GABBR2: variants seen among roughly 807,000 people sequenced by gnomAD.
GABBR2 encodes the protein gamma-aminobutyric acid type B receptor subunit 2.
GABBR2 carries 23 observed loss-of-function variants against 105.6 expected under a neutral mutation model. That is an observed-to-expected ratio of 0.22 (90% CI 0.16 to 0.31). GABBR2 has a LOEUF of 0.31. Ranked by LOEUF, GABBR2 falls within the 10% of genes least tolerant of loss-of-function variation. The pLI is 1.00. For missense variants in GABBR2, 734 were observed against 1,245.5 expected (o/e 0.59, Z 6.18); for synonymous variants, 478 against 499.7 (o/e 0.96, Z 0.58).
chr9:98,613,678 A>G (rs563078004), intron 1 of GABBR2, among the ~76,000 whole-genome samples: 1 of 152,380 alleles, frequency 6.6e-6, no homozygotes, highest in African/African-American at 2.4e-5. Flanking sequence ...AAGTAACTGC[A>G]TGCCTGGAAT....
intron 3 of GABBR2, among the ~76,000 whole-genome samples, chr9:98,521,821 C>G (rs1057355157): frequency 6.6e-6 from 1 of 151,988 alleles, no homozygotes; most frequent in African/African-American, 2.4e-5. Flanking sequence ...AAGCGAATAC[C>G]AGGTCATAGA....
chr9:98,439,502 T>G (rs943716278), intron 7 of GABBR2, among the ~76,000 whole-genome samples: 6 of 152,216 alleles, frequency 3.9e-5, no homozygotes, highest in African/African-American at 1.4e-4. Flanking sequence ...GACACTAATA[T>G]CGGGCTTCTA....
At chr9:98,373,011 TA>T (rs1279778682) in intron 11 of GABBR2, among the ~76,000 whole-genome samples, 3 of 151,874 alleles carry the variant, frequency 2.0e-5, no homozygotes, top group Non-Finnish European at 2.9e-5. Context: ...ATCAGATGGG[TA>T]AAAATGAACC....
intron 7 of GABBR2, among the ~76,000 whole-genome samples, chr9:98,409,090 T>A (rs748301175): frequency 6.6e-6 from 1 of 152,096 alleles, no homozygotes; most frequent in Non-Finnish European, 1.5e-5. Flanking sequence ...GGGAAGAGCT[T>A]GGAATGTTCA....
Position 98,299,345 on chromosome 9 carries a change from T to G in GABBR2, c.2421A>C (p.Lys807Asn). 6.2e-7 allele frequency: 1 copy of G among 1,614,006 alleles called. No homozygotes were observed. The highest frequency in any genetic ancestry group is 8.5e-7 in the Non-Finnish European group (1 of 1,179,948). Residue 807 changes from lysine (K) to asparagine (N), a missense_variant, in exon 17 of 19, where the codon AAA (lysine) becomes AAC (asparagine). This residue lies in a region of GABBR2 where 91 missense variants were observed against 185.9 expected (regional missense o/e 0.49). Transcript: ENST00000259455. ...GCTGCATGGTGACCTCTTCCAAGTC[T>G]TTATCCAGCTACAAGACAAAGGTTC... ...RLRMKITELD[K>N]DLEEVTMQLQ...
At chr9:98,459,978 C>T (rs1367185359) in intron 6 of GABBR2, among the ~76,000 whole-genome samples, 1 of 152,008 alleles carries the variant, frequency 6.6e-6, no homozygotes, top group Non-Finnish European at 1.5e-5. Flanking sequence ...TTAAAATGTA[C>T]TAGGTACACC....
At position 98,407,630 on chromosome 9, in the gene GABBR2, A is replaced by AT. The variant is rs1233560287; in HGVS notation, c.1237-1490dup. Reference sequence around the variant, plus strand: ...TGGGAAAGGCTGTCCACAAGGAGAAATTTTTTTTTTGTCTGACAGGATGGG... The same window carrying AT: ...TGGGAAAGGCTGTCCACAAGGAGAAATTTTTTTTTTTGTCTGACAGGATGGG... On this transcript the variant is annotated intron_variant, in intron 7 of 18. Coordinates refer to ENST00000259455, the MANE Select transcript of GABBR2 (RefSeq NM_005458.8). Among the ~76,000 whole-genome samples the AT allele has an allele frequency of 1.8e-3, 277 of 150,308 alleles. 1 individual carries two copies. Among genetic ancestry groups the AT allele is most frequent in the African/African-American group, 6.1e-3 (251 of 41,004 alleles).
intron 9 of GABBR2, 79 bp from the exon 10 acceptor site, chr9:98,389,083 C>T (rs963599260): frequency 1.6e-6 from 2 of 1,286,196 alleles, no homozygotes; most frequent in African/African-American, 2.9e-5. Context: ...GTGTCCCTGA[C>T]ATCCAGCCAG....
At chr9:98,524,691 T>C (rs1256078126) in intron 3 of GABBR2, among the ~76,000 whole-genome samples, 1 of 152,206 alleles carries the variant, frequency 6.6e-6, no homozygotes, top group African/African-American at 2.4e-5. Context: ...CAGGAAATCT[T>C]GTCAGCTCTA....
rs77602590 is a variant in GABBR2 at position 98,451,876 on chromosome 9, C to G, written c.1236+2105G>C. 6.7e-3 allele frequency among the ~76,000 whole-genome samples: 1,013 copies of G among 152,252 alleles called. 13 individuals are homozygous for G. Among genetic ancestry groups the G allele is most frequent in the African/African-American group, 0.023 (950 of 41,540 alleles). On this transcript the variant is annotated intron_variant, in intron 7 of 18. Transcript: ENST00000259455. ...CTCACCATGCTCCCTCTGGCCAGCC[C>G]CTGTCTTCATGTCTAACTCCTGCCC... is the stretch of plus-strand genomic sequence containing the variant.
chr9:98,420,823 A>T (rs1311252193), intron 7 of GABBR2, among the ~76,000 whole-genome samples: 1 of 152,194 alleles, frequency 6.6e-6, no homozygotes, highest in Non-Finnish European at 1.5e-5. Context: ...GGAGGTGGGA[A>T]AGTAGGCAGA....
At chr9:98,299,166 A>G in intron 17 of GABBR2, 58 bp downstream of exon 17, 1 of 1,445,212 alleles carries the variant, frequency 6.9e-7, no homozygotes, top group Non-Finnish European at 9.7e-7. Flanking sequence ...ATGGAAGATG[A>G]ACAGCTGGTG....
rs1682089490 is a variant in GABBR2 at position 98,708,749 on chromosome 9, G to A, written c.-12C>T. On this transcript the variant is annotated 5_prime_UTR_variant, in exon 1 of 19. Transcript: ENST00000259455. ...CGCGGGGAAGCCATGCCGCGCCGCGGGCTGCGGGCGCCGGCTCACTCGGCC... is the reference window on the plus strand; with the variant it reads ...CGCGGGGAAGCCATGCCGCGCCGCGAGCTGCGGGCGCCGGCTCACTCGGCC... 1.0e-6 allele frequency: 1 copy of A among 981,186 alleles called. No individual in the cohort carries two copies. The highest frequency in any genetic ancestry group is 1.8e-5 in the African/African-American group (1 of 56,558). The allele number at this position is 981,186 out of a possible 1,614,324, so 60.8% of individuals were successfully genotyped here.
intron 3 of GABBR2, among the ~76,000 whole-genome samples, chr9:98,500,008 G>A (rs543881696): frequency 4.6e-5 from 7 of 152,256 alleles, no homozygotes; most frequent in South Asian, 2.1e-4. Context: ...AGCCAAGATC[G>A]CACCACTGCA....
chr9:98,509,062 G>C (rs978226284), intron 3 of GABBR2, among the ~76,000 whole-genome samples: 3 of 152,172 alleles, frequency 2.0e-5, no homozygotes, highest in Admixed American at 1.3e-4. Context: ...GTACTCCTCT[G>C]AGACAAAACT....
chr9:98,588,445 CACAGTGAGCCCTT>C (rs975940623), intron 1 of GABBR2, among the ~76,000 whole-genome samples: 67 of 152,316 alleles, frequency 4.4e-4, no homozygotes, highest in African/African-American at 1.5e-3. Flanking sequence ...ATAATAATAA[CACAGTGAGCCCTT>C]ACATAGCATT....
At chr9:98,375,613 C>T (rs552989) in intron 11 of GABBR2, among the ~76,000 whole-genome samples, 22,288 of 152,190 alleles carry the variant, frequency 0.15, 2,098 homozygotes, top group African/African-American at 0.25. Context: ...TAAAGGAAGA[C>T]CACAGAGAGA....
At chr9:98,530,458 T>C (rs1828044138) in intron 3 of GABBR2, among the ~76,000 whole-genome samples, 1 of 152,098 alleles carries the variant, frequency 6.6e-6, no homozygotes, top group Admixed American at 6.6e-5. Flanking sequence ...CATTACTTAA[T>C]TCTCCCTGAG....
At chr9:98,649,002 T>C (rs1266608397) in intron 1 of GABBR2, among the ~76,000 whole-genome samples, 2 of 152,224 alleles carry the variant, frequency 1.3e-5, no homozygotes, top group Non-Finnish European at 2.9e-5. Context: ...ATCATTTTTC[T>C]TCATTCACAG....
Sources: gnomAD v4.1 joint callset for allele counts (sites outside exome capture counted in the v4.1 genomes callset) on GRCh38, gnomAD v4.1.1 for gene constraint, gnomAD v4.1.1 regional missense constraint, MANE v1.5 for transcripts, NCBI Gene and HGNC (gene_info 2026-07-23, HGNC 2026-07-21) for gene names.